The following PPP2R2C variants were observed in gnomAD, a reference collection of about 807,000 sequenced individuals.
The protein encoded by PPP2R2C is protein phosphatase 2, regulatory subunit B, gamma.
A neutral mutation model predicts 45.3 loss-of-function variants in PPP2R2C; 10 were observed. The observed-to-expected ratio is 0.22, with a 90% CI of 0.14 to 0.37. The LOEUF is 0.37. Ranked by LOEUF, PPP2R2C falls within the 10% of genes least tolerant of loss-of-function variation. The pLI is 1.00. For synonymous variants in PPP2R2C, 257 were observed against 245.4 expected (o/e 1.05, Z -0.44); for missense variants, 308 against 619.7 (o/e 0.50, Z 5.34).
chr4:6,350,690 G>A (rs1054703000), intron 5 of PPP2R2C: 23 of 985,344 alleles, frequency 2.3e-5, no homozygotes, highest in Middle Eastern at 5.2e-4. Context: ...CCTCTCCTTC[G>A]GCCTTTCAGA....
At chr4:6,494,514 G>C (rs4234748) in intron 2 of PPP2R2C, among the ~76,000 whole-genome samples, 1 of 152,176 alleles carries the variant, frequency 6.6e-6, no homozygotes, top group African/African-American at 2.4e-5. Context: ...ACTGGTCTCC[G>C]AGACGGAGGG....
At chr4:6,539,650 C>T (rs1005698616) in intron 1 of PPP2R2C, among the ~76,000 whole-genome samples, 3 of 152,158 alleles carry the variant, frequency 2.0e-5, no homozygotes, top group African/African-American at 2.4e-5. Flanking sequence ...ACTACAGAAG[C>T]GCCTGCCGAC....
intron 1 of PPP2R2C, among the ~76,000 whole-genome samples, chr4:6,438,216 C>T (rs770320062): frequency 4.6e-5 from 7 of 152,274 alleles, no homozygotes; most frequent in Middle Eastern, 6.8e-3. Context: ...CAAAGTAGGT[C>T]GTATGCAATT....
Position 6,472,155 on chromosome 4 carries a change from G to T in PPP2R2C, c.70+5C>A, listed in dbSNP as rs752990333. The T allele has an allele frequency of 1.2e-6, 2 of 1,613,562 alleles. No homozygotes were observed. Among genetic ancestry groups the T allele is most frequent in the Non-Finnish European group, 8.5e-7 (1 of 1,179,638 alleles). ...CGGAGGGGTCTCAGACAACACGTAC[G>T]TTACCTTCAGTCACATAGCTGTGGT... On this transcript the variant is annotated splice_donor_5th_base_variant and intron_variant, in intron 1 of 8. Coordinates refer to ENST00000382599, the MANE Select transcript of PPP2R2C (RefSeq NM_020416.4).
At chr4:6,343,442 T>C (rs1378415890) in intron 6 of PPP2R2C, among the ~76,000 whole-genome samples, 1 of 152,188 alleles carries the variant, frequency 6.6e-6, no homozygotes, top group Non-Finnish European at 1.5e-5. Context: ...AAGCTGGTTG[T>C]TTAAAATTTT....
At position 6,354,553 on chromosome 4, in the gene PPP2R2C, C is replaced by A. The variant is rs77236673; in HGVS notation, c.626-6543G>T. 3.7e-3 allele frequency among the ~76,000 whole-genome samples: 566 copies of A among 152,264 alleles called. 5 individuals are homozygous for A. The highest frequency in any genetic ancestry group is 0.013 in the African/African-American group (535 of 41,550). ...TGCCTGGGACATGTTCGCTGCATGA[C>A]TGATCCGTGGGCAAATATTAGATGG... is the stretch of plus-strand genomic sequence containing the variant. On this transcript the variant is annotated intron_variant, in intron 5 of 8. Coordinates refer to ENST00000382599, the MANE Select transcript of PPP2R2C (RefSeq NM_020416.4).
Position 6,453,556 on chromosome 4 carries a change from T to C in PPP2R2C, c.70+18604A>G, listed in dbSNP as rs115301483. Among the ~76,000 whole-genome samples the C allele has an allele frequency of 7.8e-3, 1,115 of 143,362 alleles. 10 individuals are homozygous for C. Among genetic ancestry groups the C allele is most frequent in the African/African-American group, 0.027 (1,071 of 39,748 alleles). The allele number at this position is 143,362 out of a possible 152,430, so 94.1% of individuals were successfully genotyped here. A position where few individuals can be genotyped will look rare whatever the true frequency, so the allele number is the denominator to read the frequency against. On this transcript the variant is annotated intron_variant, in intron 1 of 8. Coordinates refer to ENST00000382599, the MANE Select transcript of PPP2R2C (RefSeq NM_020416.4). ...AGGGCGGCTTCCTGTGCATCCATCATATTCACCGAGAATGGTCCCCCCGCA... is the reference window on the plus strand; with the variant it reads ...AGGGCGGCTTCCTGTGCATCCATCACATTCACCGAGAATGGTCCCCCCGCA...
rs183098564 is a variant in PPP2R2C at position 6,461,131 on chromosome 4, C to T, written c.70+11029G>A. ...GGCTTTGCAGACTCAGCTCAGACAT[C>T]GCCTCTCCCAGGAAGGCGTCCCTGA... On this transcript the variant is annotated intron_variant, in intron 1 of 8. Transcript: ENST00000382599. 3.3e-4 allele frequency among the ~76,000 whole-genome samples: 50 copies of T among 152,320 alleles called. No homozygotes were observed. The East Asian group carries it at 9.3e-3, about 28-fold the overall frequency.
At chr4:6,419,007 C>T (rs780288895) in intron 1 of PPP2R2C, among the ~76,000 whole-genome samples, 3 of 152,326 alleles carry the variant, frequency 2.0e-5, no homozygotes, top group East Asian at 3.9e-4. Flanking sequence ...CGGAGGAAAC[C>T]GTGCCCACTC....
intron 1 of PPP2R2C, among the ~76,000 whole-genome samples, chr4:6,462,270 T>C (rs949909977): frequency 6.6e-6 from 1 of 151,880 alleles, no homozygotes; most frequent in Non-Finnish European, 1.5e-5. Context: ...AGGTCAGGAG[T>C]TCAAGACCAG....
At chr4:6,389,907 C>A (rs960964490) in intron 1 of PPP2R2C, among the ~76,000 whole-genome samples, 2 of 152,130 alleles carry the variant, frequency 1.3e-5, no homozygotes, top group Admixed American at 6.5e-5. Context: ...ACTTGCCCCC[C>A]AGGCCTGGTT....
chr4:6,474,451 C>T (rs1310372783), upstream of PPP2R2C, among the ~76,000 whole-genome samples: 1 of 152,138 alleles, frequency 6.6e-6, no homozygotes, highest in Non-Finnish European at 1.5e-5. Flanking sequence ...TGCTGAGGCC[C>T]ACCCTCCCGC....
rs1714085791 is a variant in PPP2R2C, at chr4:6,364,401, A to G, written c.625+8122T>C. Among the ~76,000 whole-genome samples, 3 of 152,064 alleles carry G rather than the reference A, an allele frequency of 2.0e-5. No individual in the cohort carries two copies. The highest frequency in any genetic ancestry group is 4.4e-5 in the Non-Finnish European group (3 of 68,008). On this transcript the variant is annotated intron_variant, in intron 5 of 8. Transcript: ENST00000382599. This position sits in a 1 kb window ranked among gnomAD's most constrained non-coding sequence, Gnocchi z 5.3. Reference sequence around the variant, plus strand: ...AGGGCCAGCTCCTGCAGGGCCTTGGAGGCCAGAGAAAGGGGCGGAGTTACT... The same window carrying G: ...AGGGCCAGCTCCTGCAGGGCCTTGGGGGCCAGAGAAAGGGGCGGAGTTACT...
chr4:6,552,165 T>G (rs1725205227), intron 1 of PPP2R2C, among the ~76,000 whole-genome samples: 1 of 152,268 alleles, frequency 6.6e-6, no homozygotes, highest in African/African-American at 2.4e-5. Flanking sequence ...GCACCTGCTC[T>G]GAAATGCAGG....
intron 1 of PPP2R2C, among the ~76,000 whole-genome samples, chr4:6,454,420 G>T (rs977197592): frequency 1.3e-5 from 2 of 152,168 alleles, no homozygotes; most frequent in African/African-American, 4.8e-5. Flanking sequence ...GGTATCTGGG[G>T]ATACTTGATT....
chr4:6,364,824 G>A lies in PPP2R2C; in HGVS notation c.625+7699C>T, dbSNP rs1367682961. ...ACCATCATGATCAGAGTGAGACAGT[G>A]GCCTAAACACATGCTGGGGGCAGAC... is the stretch of plus-strand genomic sequence containing the variant. On this transcript the variant is annotated intron_variant, in intron 5 of 8. Coordinates refer to ENST00000382599, the MANE Select transcript of PPP2R2C (RefSeq NM_020416.4). The surrounding 1 kb of genome is among the most constrained non-coding windows in gnomAD (Gnocchi z 5.3). Among the ~76,000 whole-genome samples, 1 of 152,154 alleles carries A rather than the reference G, an allele frequency of 6.6e-6. No homozygotes were observed.
At chr4:6,431,434 C>T (rs1023640759) in intron 1 of PPP2R2C, among the ~76,000 whole-genome samples, 6 of 152,228 alleles carry the variant, frequency 3.9e-5, no homozygotes, top group Non-Finnish European at 2.9e-5. Flanking sequence ...TTGGAGAAAG[C>T]TGCTCAGGCT....
intron 1 of PPP2R2C, among the ~76,000 whole-genome samples, chr4:6,405,100 G>C (rs1317397684): frequency 6.6e-6 from 1 of 152,234 alleles, no homozygotes; most frequent in Admixed American, 6.5e-5. Flanking sequence ...TGCTATTAAC[G>C]CCCTGTGCCC....
At chr4:6,485,427 A>C (rs1156252893) in intron 2 of PPP2R2C, among the ~76,000 whole-genome samples, 2 of 151,908 alleles carry the variant, frequency 1.3e-5, no homozygotes, top group African/African-American at 4.8e-5. Flanking sequence ...TTTTTGGAAG[A>C]GTTTATGTAG....
Sources: gnomAD v4.1 joint callset for allele counts (sites outside exome capture counted in the v4.1 genomes callset) on GRCh38, gnomAD v4.1.1 for gene constraint, Gnocchi (gnomAD v3.1) non-coding constraint, MANE v1.5 for transcripts, NCBI Gene and HGNC (gene_info 2026-07-23, HGNC 2026-07-21) for gene names.